FRG1: variants seen among roughly 807,000 people sequenced by gnomAD.
The protein encoded by FRG1 is FSHD region gene 1.
In FRG1, 19 loss-of-function variants were observed where a neutral mutation model predicts 37.0. That is an observed-to-expected ratio of 0.51 (90% CI 0.36 to 0.75). The LOEUF is 0.75. FRG1 is among the 30% of genes least tolerant of loss of function. FRG1 has a pLI of 0.00. For synonymous variants in FRG1, 73 were observed against 96.5 expected, an observed-to-expected ratio of 0.76 and a Z score of 1.43; for missense variants, 243 against 301.4, an observed-to-expected ratio of 0.81 and a Z score of 1.44.
chr4:189,955,297 T>G, intron 5 of FRG1, 146 bp downstream of exon 5: 1 of 571,216 alleles, frequency 1.8e-6, no homozygotes, highest in Admixed American at 3.0e-5. Context: ...ACATAGAGCC[T>G]TAAAGAGATC....
In FRG1 at chr4:189,948,489, G is replaced by A. The variant is rs575897439; in HGVS notation, c.134-3673G>A. On this transcript the variant is annotated intron_variant, in intron 2 of 8. Transcript: ENST00000226798. The stretch of plus-strand genomic sequence containing the variant: ...GTACTTAGACTACAGTAAGATTGGG[G>A]AAGAAAATTCCATTTCCAAATCTAA... Among the ~76,000 whole-genome samples, 3 of 152,276 alleles carry A rather than the reference G, an allele frequency of 2.0e-5. No homozygotes were observed. In the East Asian group the frequency reaches 5.8e-4, roughly 29 times the overall value.
chr4:189,960,318 T>C (rs1192012582), intron 6 of FRG1, among the ~76,000 whole-genome samples: 3 of 152,254 alleles, frequency 2.0e-5, no homozygotes, highest in Non-Finnish European at 4.4e-5. Context: ...TTGTGTAATG[T>C]TAAAAGTTTT....
At position 189,943,258 on chromosome 4, in the gene FRG1, A is replaced by C; in HGVS notation, c.119A>C (p.Gln40Pro). 6.2e-7 allele frequency: 1 copy of C among 1,609,124 alleles called. No individual in the cohort carries two copies. The highest frequency in any genetic ancestry group is 8.5e-7 in the Non-Finnish European group (1 of 1,177,954). The stretch of plus-strand genomic sequence containing the variant: ...AAAAGAGAAGAAGATGAAGAAACCC[A>C]GCTTGATATTGTTGGTGAGTCAGTT... ...KRKREEDEET[Q>P]LDIVGIWWTV... is the part of the protein sequence containing the mutation. Residue 40 changes from glutamine to proline, a missense_variant, in exon 2 of 9, where the codon CAG becomes CCG. By Grantham distance (76) the Gln-to-Pro change is moderately conservative. Around this residue, in one of 2 missense-constraint regions of FRG1, gnomAD observed 110 missense variants for 102.2 expected, o/e 1.08. Transcript: ENST00000226798.
rs371288800 is a variant in FRG1, at chr4:189,954,525, G to A, written c.318-512G>A. On this transcript the variant is annotated intron_variant, in intron 4 of 8. Transcript: ENST00000226798. ...AAGGTACAATGTTTATATTAAAAAA[G>A]CACAATATAAAACTAAATTTAAAAC... Among the ~76,000 whole-genome samples, 106 of 150,732 alleles carry A rather than the reference G, an allele frequency of 7.0e-4. No homozygotes were observed. In the South Asian group the frequency reaches 0.021, roughly 30 times the overall value.
chr4:189,962,589 G>A (rs1156414149), intron 8 of FRG1, among the ~76,000 whole-genome samples: 1 of 152,062 alleles, frequency 6.6e-6, no homozygotes, highest in African/African-American at 2.4e-5. Flanking sequence ...TAAAGGCAAT[G>A]TTTAATTACG....
At position 189,963,074 on chromosome 4, in the gene FRG1, T is replaced by A. The variant is rs765916829; in HGVS notation, c.741-19T>A. 6 of 1,587,758 alleles carry A rather than the reference T, an allele frequency of 3.8e-6. No homozygotes were observed. The Admixed American group carries it at 1.0e-4, about 27-fold the overall frequency. On this transcript the variant is annotated intron_variant, in intron 8 of 8. Coordinates refer to ENST00000226798, the MANE Select transcript of FRG1 (RefSeq NM_004477.3). ...GCATGTTTTACATAGATTAATTTTA[T>A]TTTTCTTTGTTTAAACAGGAGAGCC...
chr4:189,963,100 A>G lies in FRG1; in HGVS notation c.748A>G (p.Lys250Glu). Residue 250 changes from lysine (K) to glutamate (E), a missense_variant, in exon 9 of 9, where the codon AAA (lysine) becomes GAA (glutamate). By Grantham distance (56) the Lys-to-Glu change is moderately conservative (BLOSUM62 1). This residue lies in a region of FRG1 where 133 missense variants were observed against 199.3 expected (regional missense o/e 0.67). Transcript: ENST00000226798. ...TTTTCTTTGTTTAAACAGGAGAGCC[A>G]AATTGAAAGCCGACAGATACTGCAA... ...LHETLLDRRA[K>E]LKADRYCK 1.9e-6 allele frequency: 3 copies of G among 1,611,336 alleles called. No homozygotes were observed. The highest frequency in any genetic ancestry group is 2.5e-6 in the Non-Finnish European group (3 of 1,178,218).
In FRG1 at chr4:189,940,947, C is replaced by T. The variant is rs1412507412; in HGVS notation, c.-63C>T. ...TCTGTTTCTCCGCGCCCCTGTGCTG[C>T]CCCGACTCACATACTCGTCCAGAAC... is the stretch of plus-strand genomic sequence containing the variant. On this transcript the variant is annotated 5_prime_UTR_variant, in exon 1 of 9. Transcript: ENST00000226798. The T allele has an allele frequency of 2.2e-5, 30 of 1,360,636 alleles. No homozygotes were observed. Among genetic ancestry groups the T allele is most frequent in the South Asian group, 4.7e-5 (4 of 84,424 alleles). 84.3% of individuals were successfully genotyped at this position (1,360,636 alleles called of 1,614,324 possible). A position where few individuals can be genotyped will look rare whatever the true frequency, so the allele number is the denominator to read the frequency against.
rs7440485 is a variant in FRG1 at position 189,960,773 on chromosome 4, C to T, written c.563C>T (p.Thr188Ile). ...ATTAGATCCTGTGCTGAAAGAGAAA[C>T]CAAGAAAAAAGATGACATTCCAGAA... Reference protein sequence around the residue: ...IKIRSCAERETKKKDDIPEED... With the variant: ...IKIRSCAEREIKKKDDIPEED... Residue 188 changes from threonine to isoleucine, a missense_variant, in exon 7 of 9, where the codon ACC becomes ATC. By Grantham distance (89) the Thr-to-Ile change is moderately conservative (BLOSUM62 -1). Transcript: ENST00000226798. 3.1e-6 allele frequency: 5 copies of T among 1,607,564 alleles called. No individual in the cohort carries two copies. The highest frequency in any genetic ancestry group is 4.2e-6 in the Non-Finnish European group (5 of 1,177,760).
At chr4:189,956,969 C>T (rs1395796867) in intron 5 of FRG1, among the ~76,000 whole-genome samples, 1 of 151,650 alleles carries the variant, frequency 6.6e-6, no homozygotes, top group Non-Finnish European at 1.5e-5. Flanking sequence ...AACACCAAAG[C>T]ATTGTATGTA....
At chr4:189,955,642 TATA>T (rs1736951590) in intron 5 of FRG1, among the ~76,000 whole-genome samples, 1 of 152,296 alleles carries the variant, frequency 6.6e-6, no homozygotes, top group South Asian at 2.1e-4. Flanking sequence ...ATAGTTTTAA[TATA>T]AGAAGAAAAA....
In FRG1 at chr4:189,963,082, T is replaced by G. The variant is rs1260645128; in HGVS notation, c.741-11T>G. The stretch of plus-strand genomic sequence containing the variant: ...TACATAGATTAATTTTATTTTTCTT[T>G]GTTTAAACAGGAGAGCCAAATTGAA... On this transcript the variant is annotated splice_polypyrimidine_tract_variant and intron_variant, in intron 8 of 8. Coordinates refer to ENST00000226798, the MANE Select transcript of FRG1 (RefSeq NM_004477.3). The G allele has an allele frequency of 1.9e-6, 3 of 1,595,754 alleles. No individual in the cohort carries two copies. Among genetic ancestry groups the G allele is most frequent in the Non-Finnish European group, 2.6e-6 (3 of 1,166,848 alleles).
At chr4:189,956,902 A>G (rs1170828246) in intron 5 of FRG1, among the ~76,000 whole-genome samples, 1 of 152,248 alleles carries the variant, frequency 6.6e-6, no homozygotes, top group African/African-American at 2.4e-5. Flanking sequence ...CTAAAAAAGT[A>G]TATGAATATT....
chr4:189,943,156 A>G, intron 1 of FRG1, 46 bp from the exon 2 acceptor site: 1 of 1,499,786 alleles, frequency 6.7e-7, no homozygotes, highest in South Asian at 1.3e-5. Context: ...TATTTATCGT[A>G]CAAATCAATA....
At chr4:189,943,310 AAT>A (rs1482671867) in intron 2 of FRG1, 38 bp downstream of exon 2, 9 of 1,581,990 alleles carry the variant, frequency 5.7e-6, no homozygotes, top group East Asian at 2.2e-5. Flanking sequence ...GAAAAAAGTT[AAT>A]GTTTCTTGAG....
At chr4:189,952,037 A>T in intron 2 of FRG1, 125 bp from the exon 3 acceptor site, 1 of 638,136 alleles carries the variant, frequency 1.6e-6, no homozygotes, top group East Asian at 2.8e-5. Flanking sequence ...AGAATATGTG[A>T]GATCTTTGTA....
rs530507775 is a variant in FRG1 at position 189,950,131 on chromosome 4, C to G, written c.134-2031C>G. On this transcript the variant is annotated intron_variant, in intron 2 of 8. Coordinates refer to ENST00000226798, the MANE Select transcript of FRG1 (RefSeq NM_004477.3). ...GTTTTGATTTATATTTCCCTAGTGACTAGTGATGTTGAGCGTCTTTTCAAG... is the reference window on the plus strand; with the variant it reads ...GTTTTGATTTATATTTCCCTAGTGAGTAGTGATGTTGAGCGTCTTTTCAAG... Among the ~76,000 whole-genome samples, 8 of 152,252 alleles carry G rather than the reference C, an allele frequency of 5.3e-5. No individual in the cohort carries two copies. In the East Asian group the frequency reaches 1.3e-3, roughly 26 times the overall value.
At chr4:189,950,545 G>T (rs1478483470) in intron 2 of FRG1, among the ~76,000 whole-genome samples, 1 of 151,996 alleles carries the variant, frequency 6.6e-6, no homozygotes, top group Admixed American at 6.6e-5. Context: ...TTTGTATTTG[G>T]CATTAGATAA....
chr4:189,951,055 TA>T (rs1413739567), intron 2 of FRG1, among the ~76,000 whole-genome samples: 1 of 152,234 alleles, frequency 6.6e-6, no homozygotes, highest in Non-Finnish European at 1.5e-5. Context: ...GGTTTGAGGA[TA>T]TTTTTTAACA....
Sources: allele counts gnomAD v4.1 joint callset (sites outside exome capture counted in the v4.1 genomes callset), GRCh38; gene constraint gnomAD v4.1.1; regional missense constraint gnomAD v4.1.1; transcripts MANE v1.5; gene names NCBI Gene and HGNC (gene_info 2026-07-23, HGNC 2026-07-21).